The following ARFIP1 variants were observed in gnomAD, a reference collection of about 807,000 sequenced individuals.
The protein encoded by ARFIP1 is arfaptin-1.
ARFIP1 carries 24 observed loss-of-function variants against 42.5 expected under a neutral mutation model. That is an observed-to-expected ratio of 0.57 (90% CI 0.41 to 0.80). The LOEUF (loss-of-function observed/expected upper bound fraction) is 0.80. Among genes scored for constraint, ARFIP1 ranks in the 30% least tolerant of loss-of-function variants. The probability of loss-of-function intolerance (pLI) is 0.00; values close to 1 mark genes in which losing one functional copy is unlikely to be tolerated. For synonymous variants in ARFIP1, 141 were observed against 153.7 expected, an observed-to-expected ratio of 0.92 and a Z score of 0.61; for missense variants, 354 against 434.0, an observed-to-expected ratio of 0.82 and a Z score of 1.64.
intron 2 of ARFIP1, among the ~76,000 whole-genome samples, chr4:152,849,149 T>G (rs62319907): frequency 0.043 from 6,601 of 152,272 alleles, 174 homozygotes; most frequent in South Asian, 0.11. Flanking sequence ...ACACATACAT[T>G]AAATTAATTC....
chr4:152,819,103 C>G (rs1730145763), intron 1 of ARFIP1, among the ~76,000 whole-genome samples: 1 of 152,144 alleles, frequency 6.6e-6, no homozygotes, highest in African/African-American at 2.4e-5. Flanking sequence ...TTACCTGAGG[C>G]AGCAGAGTAC....
At chr4:152,900,110 TGGAA>T (rs1011235617) in intron 8 of ARFIP1, among the ~76,000 whole-genome samples, 5 of 150,484 alleles carry the variant, frequency 3.3e-5, no homozygotes, top group African/African-American at 9.8e-5. Flanking sequence ...TTGGAGCTCT[TGGAA>T]GGAAGGAAGG....
chr4:152,875,551 G>A (rs962771596), intron 5 of ARFIP1, among the ~76,000 whole-genome samples: 1 of 151,904 alleles, frequency 6.6e-6, no homozygotes, highest in Non-Finnish European at 1.5e-5. Flanking sequence ...TTTCATGCCT[G>A]TTTTTCTTGT....
chr4:152,888,106 A>G, intron 7 of ARFIP1, 27 bp from the exon 8 acceptor site: 1 of 1,573,428 alleles, frequency 6.4e-7, no homozygotes, highest in Non-Finnish European at 8.6e-7. Context: ...TTCTTGTAGT[A>G]TGCTTCACTT....
At chr4:152,831,118 G>A (rs533399531) in intron 2 of ARFIP1, among the ~76,000 whole-genome samples, 1 of 152,266 alleles carries the variant, frequency 6.6e-6, no homozygotes, top group Admixed American at 6.5e-5. Flanking sequence ...AGAAACTCAA[G>A]TTAGCATCAT....
chr4:152,866,475 G>A (rs1228901266), intron 3 of ARFIP1, among the ~76,000 whole-genome samples: 4 of 151,658 alleles, frequency 2.6e-5, no homozygotes, highest in African/African-American at 4.8e-5. Flanking sequence ...CCTCCCGGAC[G>A]GGGCAGCTGG....
chr4:152,857,336 T>C (rs2149871885), intron 2 of ARFIP1, among the ~76,000 whole-genome samples: 1 of 152,356 alleles, frequency 6.6e-6, no homozygotes, highest in East Asian at 1.9e-4. Context: ...TAAATAAATC[T>C]TTTAGAAAAC....
At chr4:152,865,930 A>G (rs1033877920) in intron 3 of ARFIP1, among the ~76,000 whole-genome samples, 7 of 152,114 alleles carry the variant, frequency 4.6e-5, no homozygotes, top group African/African-American at 4.8e-5. Context: ...GGGATTTGGC[A>G]GGGTCATAGG....
chr4:152,882,365 G>A (rs561905682), intron 6 of ARFIP1, among the ~76,000 whole-genome samples: 6 of 152,156 alleles, frequency 3.9e-5, no homozygotes, highest in Non-Finnish European at 8.8e-5. Context: ...GGCTGTGAAA[G>A]TTATAGTTTC....
chr4:152,876,064 CCAGTCT>C (rs1412411777), intron 5 of ARFIP1, among the ~76,000 whole-genome samples: 3 of 152,066 alleles, frequency 2.0e-5, no homozygotes, highest in Non-Finnish European at 4.4e-5. Flanking sequence ...CTTTTTATTC[CCAGTCT>C]CGGGTCTGTC....
At chr4:152,862,914 T>G (rs750060373) in intron 2 of ARFIP1, among the ~76,000 whole-genome samples, 1 of 152,192 alleles carries the variant, frequency 6.6e-6, no homozygotes, top group Non-Finnish European at 1.5e-5. Context: ...GAGATTTAAT[T>G]TACAAAGTTC....
intron 8 of ARFIP1, among the ~76,000 whole-genome samples, chr4:152,899,440 G>T (rs1402951564): frequency 6.6e-6 from 1 of 152,106 alleles, no homozygotes; most frequent in Admixed American, 6.6e-5. Context: ...TCTCTGTTAG[G>T]TTAATAACGA....
intron 1 of ARFIP1, chr4:152,796,086 T>C: frequency 1.3e-6 from 1 of 742,140 alleles, no homozygotes; most frequent in African/African-American, 1.7e-5. Context: ...ACTGCATTTA[T>C]GCATCCATCA....
At chr4:152,792,532 T>A (rs1731201475) in intron 1 of ARFIP1, among the ~76,000 whole-genome samples, 1 of 152,192 alleles carries the variant, frequency 6.6e-6, no homozygotes, top group Non-Finnish European at 1.5e-5. Context: ...GTACCTGAAT[T>A]TGAAAAGCTC....
intron 2 of ARFIP1, among the ~76,000 whole-genome samples, chr4:152,859,181 C>T (rs2149873352): frequency 6.6e-6 from 1 of 152,284 alleles, no homozygotes. Context: ...TCCACCTCAC[C>T]CTTCCAAGTA....
At chr4:152,892,679 G>T (rs1298335238) in intron 8 of ARFIP1, among the ~76,000 whole-genome samples, 1 of 152,134 alleles carries the variant, frequency 6.6e-6, no homozygotes, top group Admixed American at 6.5e-5. Context: ...TCACATTTCT[G>T]CATATATGTG....
intron 2 of ARFIP1, among the ~76,000 whole-genome samples, chr4:152,853,905 CTT>C (rs36055484): frequency 1.3e-5 from 1 of 74,740 alleles, no homozygotes; most frequent in African/African-American, 5.5e-5. Flanking sequence ...TTCTGAGATT[CTT>C]TTTTTTTTTT....
chr4:152,904,158 CTATA>C (rs1297847510), intron 8 of ARFIP1, among the ~76,000 whole-genome samples: 7 of 130,460 alleles, frequency 5.4e-5, no homozygotes, highest in Non-Finnish European at 9.6e-5. Context: ...AACCCATCAC[CTATA>C]TATATATGTG....
intron 2 of ARFIP1, among the ~76,000 whole-genome samples, chr4:152,841,249 TG>T (rs1732048734): frequency 6.6e-6 from 1 of 152,196 alleles, no homozygotes; most frequent in South Asian, 2.1e-4. Flanking sequence ...TCGGCCAGGA[TG>T]GTCTCAATCT....
Sources: allele counts gnomAD v4.1 joint callset (sites outside exome capture counted in the v4.1 genomes callset), GRCh38; gene constraint gnomAD v4.1.1; transcripts MANE v1.5; gene names NCBI Gene and HGNC (gene_info 2026-07-23, HGNC 2026-07-21).